Variants in MGAT4C observed in about 807,000 individuals in gnomAD.
MGAT4C encodes alpha-1,3-mannosyl-glycoprotein 4-beta-N-acetylglucosaminyltransferase C.
In MGAT4C, 19 loss-of-function variants were observed where a neutral mutation model predicts 40.1. The ratio of observed to expected loss-of-function variants is 0.47; its 90% CI spans 0.33 to 0.70. The LOEUF (loss-of-function observed/expected upper bound fraction) is 0.70, where lower values mean the gene tolerates loss of function less well. MGAT4C is among the 30% of genes least tolerant of loss of function. The probability of loss-of-function intolerance (pLI) is 0.02; values close to 1 mark genes in which losing one functional copy is unlikely to be tolerated. For synonymous variants in MGAT4C, 181 were observed against 187.1 expected (o/e 0.97, Z 0.27); for missense variants, 491 against 563.2 (o/e 0.87, Z 1.30).
At chr12:86,731,875 A>T (rs185049163) in intron 1 of MGAT4C, among the ~76,000 whole-genome samples, 8 of 152,238 alleles carry the variant, frequency 5.3e-5, no homozygotes, top group Admixed American at 2.0e-4. Context: ...GCTGTTTTTT[A>T]GCTAGAAGCA....
chr12:86,615,839 C>T (rs1962429879), intron 2 of MGAT4C, among the ~76,000 whole-genome samples: 1 of 152,004 alleles, frequency 6.6e-6, no homozygotes, highest in African/African-American at 2.4e-5. Flanking sequence ...CTAATCAAAA[C>T]TAGAATAGAT....
chr12:85,961,492 A>G lies in MGAT4C; in HGVS notation c.*17797T>C, dbSNP rs1207680541. ...ATTATGTATATATATAAAATTATAT[A>G]TGGTATAGTTTCAACTTCTAATCTT... On this transcript the variant is annotated 3_prime_UTR_variant, in exon 5 of 5. Coordinates refer to ENST00000611864, the MANE Select transcript of MGAT4C (RefSeq NM_001351288.2). The G allele has an allele frequency of 1.3e-5, 2 of 151,752 alleles. No individual in the cohort carries two copies. The highest frequency in any genetic ancestry group is 4.8e-5 in the African/African-American group (2 of 41,398). 9.4% of individuals were successfully genotyped at this position (151,752 alleles called of 1,614,324 possible).
chr12:86,524,470 C>A (rs1315096941), intron 2 of MGAT4C, among the ~76,000 whole-genome samples: 1 of 152,158 alleles, frequency 6.6e-6, no homozygotes, highest in Admixed American at 6.5e-5. Flanking sequence ...TCTAGGTGGC[C>A]TGACCTTTCT....
intron 3 of MGAT4C, among the ~76,000 whole-genome samples, chr12:86,394,310 G>C (rs989169351): frequency 1.3e-5 from 2 of 151,738 alleles, no homozygotes; most frequent in East Asian, 3.9e-4. Flanking sequence ...GGGTAAAATT[G>C]GTTGTTGAAA....
At chr12:86,520,304 A>G (rs1477724095) in intron 2 of MGAT4C, among the ~76,000 whole-genome samples, 3 of 152,140 alleles carry the variant, frequency 2.0e-5, no homozygotes. Flanking sequence ...TCCCACTTAT[A>G]AGTGAGAATA....
At chr12:86,261,079 A>G (rs928955140), upstream of MGAT4C, among the ~76,000 whole-genome samples, 9 of 152,104 alleles carry the variant, frequency 5.9e-5, no homozygotes, top group Non-Finnish European at 1.0e-4. Context: ...GATAAAGTAA[A>G]ACTGTGTCTG....
At chr12:86,015,296 G>A (rs1346885480) in intron 2 of MGAT4C, among the ~76,000 whole-genome samples, 17 of 151,830 alleles carry the variant, frequency 1.1e-4, no homozygotes, top group Non-Finnish European at 2.2e-4. Flanking sequence ...AAGGAACTGG[G>A]GCCCAGTGTG....
intron 3 of MGAT4C, among the ~76,000 whole-genome samples, chr12:86,353,275 T>G (rs1011080019): frequency 3.9e-5 from 6 of 152,042 alleles, no homozygotes; most frequent in Non-Finnish European, 8.8e-5. Flanking sequence ...ATAGAGTAAT[T>G]ATGTCACACT....
At chr12:86,454,864 T>G (rs1957485558) in intron 2 of MGAT4C, among the ~76,000 whole-genome samples, 4 of 152,276 alleles carry the variant, frequency 2.6e-5, no homozygotes, top group South Asian at 2.1e-4. Context: ...TTGAGATATT[T>G]AATCCAACAA....
At chr12:86,358,890 A>G (rs1158657883) in intron 3 of MGAT4C, among the ~76,000 whole-genome samples, 1 of 152,146 alleles carries the variant, frequency 6.6e-6, no homozygotes, top group Non-Finnish European at 1.5e-5. Context: ...ACACTTTAAC[A>G]CCCCACTGTC....
chr12:86,697,780 G>A (rs1950283539), intron 2 of MGAT4C, among the ~76,000 whole-genome samples: 1 of 152,038 alleles, frequency 6.6e-6, no homozygotes, highest in Non-Finnish European at 1.5e-5. Context: ...CAAAGGTAAT[G>A]CAAGTATATT....
chr12:86,308,685 G>A (rs2136147889), intron 4 of MGAT4C, among the ~76,000 whole-genome samples: 1 of 150,634 alleles, frequency 6.6e-6, no homozygotes, highest in Non-Finnish European at 1.5e-5. Context: ...TACAAAGAAA[G>A]CCATTCTTTC....
intron 1 of MGAT4C, among the ~76,000 whole-genome samples, chr12:86,066,439 GA>G (rs1410011070): frequency 1.5e-4 from 22 of 146,892 alleles, no homozygotes; most frequent in Middle Eastern, 3.5e-3. Flanking sequence ...TGACAAACCT[GA>G]AAAAAAAAAG....
At chr12:86,338,649 C>T (rs904731920) in intron 3 of MGAT4C, among the ~76,000 whole-genome samples, 1 of 151,980 alleles carries the variant, frequency 6.6e-6, no homozygotes, top group African/African-American at 2.4e-5. Context: ...GGTTAGATCC[C>T]CTTCACTTTC....
At chr12:86,514,103 CACACACAA>C (rs1958642328) in intron 2 of MGAT4C, among the ~76,000 whole-genome samples, 3 of 149,676 alleles carry the variant, frequency 2.0e-5, no homozygotes, top group Non-Finnish European at 4.5e-5. Flanking sequence ...CACACACACA[CACACACAA>C]CCCCGGCTTA....
intron 4 of MGAT4C, among the ~76,000 whole-genome samples, chr12:86,319,508 TAA>T (rs1954326083): frequency 1.3e-5 from 2 of 152,180 alleles, no homozygotes; most frequent in African/African-American, 4.8e-5. Context: ...AACTCCTGAA[TAA>T]AATGGTCTAC....
chr12:86,184,758 A>AC (rs1460404003), intron 1 of MGAT4C, among the ~76,000 whole-genome samples: 1 of 150,750 alleles, frequency 6.6e-6, no homozygotes, highest in Non-Finnish European at 1.5e-5. Context: ...AAAAAAAAAA[A>AC]AAAAAACTAT....
Position 85,965,324 on chromosome 12 carries a change from G to C in MGAT4C, c.*13965C>G, listed in dbSNP as rs923103642. On this transcript the variant is annotated 3_prime_UTR_variant, in exon 5 of 5. Coordinates refer to ENST00000611864, the MANE Select transcript of MGAT4C (RefSeq NM_001351288.2). The stretch of plus-strand genomic sequence containing the variant: ...GGAATAAGGACACTCTGGGCCCGGC[G>C]CGGTGGCTCACGCATGTAATCCCAG... The C allele has an allele frequency of 6.6e-6, 1 of 151,812 alleles. No individual in the cohort carries two copies. Among genetic ancestry groups the C allele is most frequent in the Admixed American group, 6.6e-5 (1 of 15,222 alleles). 9.4% of individuals were successfully genotyped at this position (151,812 alleles called of 1,614,324 possible).
At position 86,305,575 on chromosome 12, in the gene MGAT4C, A is replaced by C. The variant is rs1047884893; in HGVS notation, c.-57+28490T>G. On this transcript the variant is annotated intron_variant, in intron 4 of 7. Coordinates refer to the MGAT4C transcript ENST00000548651. ...AATTAAATACCTCTTAAAATAATAT[A>C]TATAGTCATTCGTTGGTATCCATGT... Among the ~76,000 whole-genome samples, 3 of 150,508 alleles carry C rather than the reference A, an allele frequency of 2.0e-5. 1 individual carries two copies. The highest frequency in any genetic ancestry group is 1.3e-4 in the Admixed American group (2 of 15,200).
Sources: gnomAD v4.1 joint callset for allele counts (sites outside exome capture counted in the v4.1 genomes callset) on GRCh38, gnomAD v4.1.1 for gene constraint, MANE v1.5 for transcripts, NCBI Gene and HGNC (gene_info 2026-07-23, HGNC 2026-07-21) for gene names.